CUL9: variants seen among roughly 807,000 people sequenced by gnomAD.
CUL9 encodes the protein cullin-9.
A neutral mutation model predicts 272.6 loss-of-function variants in CUL9; 79 were observed. The observed-to-expected ratio is 0.29, with a 90% confidence interval of 0.24 to 0.35. The LOEUF (loss-of-function observed/expected upper bound fraction) is 0.35. Among genes scored for constraint, CUL9 ranks in the 10% least tolerant of loss-of-function variants. The pLI, the probability that CUL9 is intolerant of heterozygous loss-of-function variation, is 1.00. For synonymous variants in CUL9, 1,186 were observed against 1,286.5 expected (o/e 0.92, Z 1.67); for missense variants, 2,532 against 3,255.6 (o/e 0.78, Z 5.41).
At chr6:43,217,954 A>G (rs1776052157) in intron 31 of CUL9, among the ~76,000 whole-genome samples, 1 of 152,102 alleles carries the variant, frequency 6.6e-6, no homozygotes, top group South Asian at 2.1e-4. Context: ...TGAGGTAGGT[A>G]TTTTTGTTAT....
At position 43,215,283 on chromosome 6, in the gene CUL9, G is replaced by C; in HGVS notation, c.5893G>C (p.Asp1965His). The change falls in exon 30 of 41, where the codon GAT (aspartate) becomes CAT (histidine). Residue 1965 changes from aspartate (D) to histidine (H), a missense_variant. Transcript: ENST00000252050. The stretch of plus-strand genomic sequence containing the variant: ...CATGGGGCCCTGCCGGGGTCAGGCA[G>C]ATGTCCCTTTCTGTGGCAGCCAGAG... ...EPMGPCRGQA[D>H]VPFCGSQSET... The C allele has an allele frequency of 6.2e-7, 1 of 1,613,786 alleles. No individual in the cohort carries two copies. The highest frequency in any genetic ancestry group is 8.5e-7 in the Non-Finnish European group (1 of 1,179,982).
chr6:43,222,673 G>A (rs766437228), intron 37 of CUL9, 32 bp downstream of exon 37: 60 of 1,608,792 alleles, frequency 3.7e-5, no homozygotes, highest in Non-Finnish European at 4.9e-5. Context: ...GAGCAGGGGA[G>A]GGGTGTGCCA....
intron 20 of CUL9, 118 bp downstream of exon 20, chr6:43,204,105 C>T: frequency 3.1e-6 from 4 of 1,305,144 alleles, no homozygotes; most frequent in Non-Finnish European, 4.2e-6. Context: ...GGCCTGTCAC[C>T]TCAGTGTTCC....
In CUL9 at chr6:43,213,741, C is replaced by T. The variant is rs368923271; in HGVS notation, c.5517C>T (p.Pro1839=). The T allele has an allele frequency of 1.1e-5, 17 of 1,613,628 alleles. No homozygotes were observed. Among genetic ancestry groups the T allele is most frequent in the African/African-American group, 4.0e-5 (3 of 74,930 alleles). The change falls in exon 29 of 41, where the codon CCC becomes CCT. Residue 1839 remains proline, a synonymous_variant. Transcript: ENST00000252050. The surrounding 1 kb of genome is among the most constrained non-coding windows in gnomAD (Gnocchi z 5.7). ...TGCTGCGGCTTCATGAGCCTGGGCC[C>T]CAGCGCAGTGGGGAGGCCCTGTGGC... The part of the protein sequence containing the change: ...GGVLRLHEPG[P]QRSGEALWLI...
chr6:43,193,277 A>G, intron 9 of CUL9, 69 bp downstream of exon 9: 2 of 1,437,640 alleles, frequency 1.4e-6, no homozygotes, highest in East Asian at 2.3e-5. Context: ...ACTGATCTTG[A>G]GGGGGTACTT....
chr6:43,186,997 A>G lies in CUL9; in HGVS notation c.1289A>G (p.His430Arg), dbSNP rs2150521515. The G allele has an allele frequency of 6.2e-7, 1 of 1,614,126 alleles. No individual in the cohort carries two copies. Among genetic ancestry groups the G allele is most frequent in the East Asian group, 2.2e-5 (1 of 44,880 alleles). ...TCGACAGGCCGCACTTACTGGGTGC[A>G]CTGGCACATGCTGGAGATCCTGGGC... ...WQSTGRTYWV[H>R]WHMLEILGPE... The change falls in exon 5 of 41, where the codon CAC becomes CGC. Residue 430 changes from histidine (H) to arginine (R), a missense_variant. Transcript: ENST00000252050.
In CUL9 at chr6:43,213,023, C is replaced by T. The variant is rs1043795119; in HGVS notation, c.5213-126C>T. On this transcript the variant is annotated intron_variant, in intron 26 of 40. Coordinates refer to ENST00000252050, the MANE Select transcript of CUL9 (RefSeq NM_015089.4). This position sits in a 1 kb window ranked among gnomAD's most constrained non-coding sequence, Gnocchi z 5.7. ...TCTGGAAGCTTGACAAGGTATCTCT[C>T]TGTCTGAAAATGCTGGGGCCCTCCT... is the stretch of plus-strand genomic sequence containing the variant. 12 of 1,052,194 alleles carry T rather than the reference C, an allele frequency of 1.1e-5. No homozygotes were observed. The African/African-American group carries it at 1.9e-4, about 17-fold the overall frequency. The allele number at this position is 1,052,194 out of a possible 1,614,324, so 65.2% of individuals were successfully genotyped here. A position where few individuals can be genotyped will look rare whatever the true frequency, so the allele number is the denominator to read the frequency against.
rs547726038 is a variant in CUL9, at chr6:43,198,503, T to C, written c.2804-106T>C. On this transcript the variant is annotated intron_variant, in intron 11 of 40. Transcript: ENST00000252050. The stretch of plus-strand genomic sequence containing the variant: ...TTAAAAACTATAGACATCCTCAATA[T>C]AGAAGGAAAATTTTGGGGTGATTTT... 33 of 1,533,586 alleles carry C rather than the reference T, an allele frequency of 2.2e-5. No individual in the cohort carries two copies. In the East Asian group the frequency reaches 7.2e-4, roughly 34 times the overall value. The allele number at this position is 1,533,586 out of a possible 1,614,324, so 95.0% of individuals were successfully genotyped here.
chr6:43,193,250 C>T (rs779629269), intron 9 of CUL9, 42 bp downstream of exon 9: 9 of 1,580,162 alleles, frequency 5.7e-6, no homozygotes, highest in African/African-American at 5.4e-5. Flanking sequence ...ATGGGCAAGA[C>T]AGGCAGACTG....
chr6:43,196,358 C>A, intron 10 of CUL9, 93 bp downstream of exon 10: 1 of 1,260,052 alleles, frequency 7.9e-7, no homozygotes, highest in Non-Finnish European at 1.1e-6. Context: ...CAGAAATTCC[C>A]CTCACGCTGT....
At chr6:43,187,598 G>T (rs1773043887) in intron 6 of CUL9, 115 bp from the exon 7 acceptor site, 7 of 1,348,492 alleles carry the variant, frequency 5.2e-6, no homozygotes, top group Middle Eastern at 5.2e-4. Context: ...GTGCTGTGAG[G>T]GTCTAGTATG....
chr6:43,196,039 C>G (rs182466689), intron 9 of CUL9, 30 bp from the exon 10 acceptor site: 581 of 1,590,824 alleles, frequency 3.7e-4, no homozygotes, highest in Non-Finnish European at 4.8e-4. Context: ...TCTGCCCCCT[C>G]CTCACTCTGC....
In CUL9 at chr6:43,203,950, C is replaced by T. The variant is rs1175163862; in HGVS notation, c.4122C>T (p.Ala1374=). The T allele has an allele frequency of 5.6e-6, 9 of 1,610,910 alleles. No individual in the cohort carries two copies. Among genetic ancestry groups the T allele is most frequent in the Non-Finnish European group, 6.8e-6 (8 of 1,177,656 alleles). ...AQALGKTCWE[A]LVSPLVQNIT... Reference sequence around the variant, plus strand: ...CACTGGGCAAGACCTGCTGGGAGGCCCTGGTCAGCCCCCTGGTGCAGAACA... The same window carrying T: ...CACTGGGCAAGACCTGCTGGGAGGCTCTGGTCAGCCCCCTGGTGCAGAACA... Residue 1374 remains alanine (A), a synonymous_variant, in exon 20 of 41, where the codon GCC becomes GCT. Transcript: ENST00000252050. This position sits in a 1 kb window ranked among gnomAD's most constrained non-coding sequence, Gnocchi z 5.0.
In CUL9 at chr6:43,222,528, C is replaced by A. The variant is rs983907487; in HGVS notation, c.6922-3C>A. 2 of 1,613,956 alleles carry A rather than the reference C, an allele frequency of 1.2e-6. No homozygotes were observed. The highest frequency in any genetic ancestry group is 3.3e-5 in the Admixed American group (2 of 60,030). Reference sequence around the variant, plus strand: ...TGGTACTGATACACCTTCCTCCACACAGGAGTTTGCTGTGAACTTGCGGAA... The same window carrying A: ...TGGTACTGATACACCTTCCTCCACAAAGGAGTTTGCTGTGAACTTGCGGAA... On this transcript the variant is annotated splice_polypyrimidine_tract_variant and splice_region_variant and intron_variant, in intron 36 of 40. Coordinates refer to ENST00000252050, the MANE Select transcript of CUL9 (RefSeq NM_015089.4).
intron 30 of CUL9, among the ~76,000 whole-genome samples, chr6:43,215,925 C>T (rs546676159): frequency 3.3e-5 from 5 of 152,320 alleles, no homozygotes; most frequent in African/African-American, 1.2e-4. Context: ...AGCACCCTGA[C>T]CCCTAGATAC....
At position 43,220,766 on chromosome 6, in the gene CUL9, G is replaced by A. The variant is rs1467614504; in HGVS notation, c.6443G>A (p.Arg2148His). The change falls in exon 33 of 41, where the codon CGT becomes CAT. Residue 2148 changes from arginine (R) to histidine (H), a missense_variant. Arg to His is a conservative substitution (Grantham distance 29). This residue lies in a region of CUL9 where 2,218 missense variants were observed against 2,788.6 expected (regional missense o/e 0.80). Coordinates refer to ENST00000252050, the MANE Select transcript of CUL9 (RefSeq NM_015089.4). This position sits in a 1 kb window ranked among gnomAD's most constrained non-coding sequence, Gnocchi z 4.9. ...VISKYEKALL[R>H]GYVESCSNLT... ...CCACAGTATGAGAAGGCGCTCCTGC[G>A]TGGCTATGTGGAGAGCTGCTCCAAC... is the stretch of plus-strand genomic sequence containing the variant. 8.1e-6 allele frequency: 13 copies of A among 1,612,814 alleles called. No individual in the cohort carries two copies. The highest frequency in any genetic ancestry group is 9.3e-6 in the Non-Finnish European group (11 of 1,179,958).
intron 2 of CUL9, 77 bp from the exon 3 acceptor site, chr6:43,185,379 A>C: frequency 6.7e-7 from 1 of 1,491,212 alleles, no homozygotes; most frequent in Admixed American, 1.8e-5. Flanking sequence ...CGTCTGGGGT[A>C]GGAGATAGAA....
At position 43,224,503 on chromosome 6, in the gene CUL9, G is replaced by A. The variant is rs1396083654; in HGVS notation, c.*58G>A. On this transcript the variant is annotated 3_prime_UTR_variant, in exon 41 of 41. Coordinates refer to ENST00000252050, the MANE Select transcript of CUL9 (RefSeq NM_015089.4). The surrounding 1 kb of genome is among the most constrained non-coding windows in gnomAD (Gnocchi z 4.2). ...CCAGAGTCACGGGGCTGAGGGGGCGGGAGCTGCCCCTGTCATAGGGAGGGG... is the reference window on the plus strand; with the variant it reads ...CCAGAGTCACGGGGCTGAGGGGGCGAGAGCTGCCCCTGTCATAGGGAGGGG... The A allele has an allele frequency of 6.6e-7, 1 of 1,520,502 alleles. No homozygotes were observed. The highest frequency in any genetic ancestry group is 8.9e-7 in the Non-Finnish European group (1 of 1,120,954). The allele number at this position is 1,520,502 out of a possible 1,614,324, so 94.2% of individuals were successfully genotyped here. A position where few individuals can be genotyped will look rare whatever the true frequency, so the allele number is the denominator to read the frequency against.
In CUL9 at chr6:43,203,153, C is replaced by T. The variant is rs184505301; in HGVS notation, c.3798C>T (p.Asn1266=). 6 of 1,614,004 alleles carry T rather than the reference C, an allele frequency of 3.7e-6. No individual in the cohort carries two copies. The South Asian group carries it at 4.4e-5, about 12-fold the overall frequency. ...CCAGCCGGGTGATCCTCTTGGAGAA[C>T]CTGAACCGCTTCTGGCCCATCATCC... ...PSASRVILLE[N]LNRFWPIIQI... is the part of the protein sequence containing the mutation. The change falls in exon 18 of 41, where the codon AAC becomes AAT. Residue 1266 remains asparagine, a synonymous_variant. Transcript: ENST00000252050. The surrounding 1 kb of genome is among the most constrained non-coding windows in gnomAD (Gnocchi z 5.0).
Sources: gnomAD v4.1 joint callset for allele counts (sites outside exome capture counted in the v4.1 genomes callset) on GRCh38, gnomAD v4.1.1 for gene constraint, gnomAD v4.1.1 regional missense constraint, Gnocchi (gnomAD v3.1) non-coding constraint, MANE v1.5 for transcripts, NCBI Gene and HGNC (gene_info 2026-07-23, HGNC 2026-07-21) for gene names.